Variants in ARID4B observed in about 807,000 individuals in gnomAD.
ARID4B encodes the protein AT-rich interactive domain-containing protein 4B.
Under a neutral mutation model 147.5 loss-of-function variants are expected in ARID4B, and 26 were observed. The ratio of observed to expected loss-of-function variants is 0.18; its 90% confidence interval spans 0.13 to 0.24. The LOEUF (loss-of-function observed/expected upper bound fraction) is 0.24. Ranked by LOEUF, ARID4B falls within the 10% of genes least tolerant of loss-of-function variation. The pLI is 1.00. For missense variants in ARID4B, 1,179 were observed against 1,511.5 expected, an observed-to-expected ratio of 0.78 and a Z score of 3.65; for synonymous variants, 512 against 507.9, an observed-to-expected ratio of 1.01 and a Z score of -0.11.
chr1:235,323,685 G>A (rs1489136523), intron 2 of ARID4B, among the ~76,000 whole-genome samples: 1 of 151,704 alleles, frequency 6.6e-6, no homozygotes, highest in African/African-American at 2.4e-5. Context: ...TCAGGAGGCT[G>A]AGGCAGGAGA....
chr1:235,326,995 T>C, intron 1 of ARID4B, 27 bp from the exon 2 acceptor site: 6 of 1,486,624 alleles, frequency 4.0e-6, no homozygotes, highest in Non-Finnish European at 5.6e-6. Flanking sequence ...AGACACCCAG[T>C]CAACACCACA....
intron 16 of ARID4B, among the ~76,000 whole-genome samples, chr1:235,219,078 G>A (rs1461492257): frequency 6.6e-6 from 1 of 151,794 alleles, no homozygotes; most frequent in East Asian, 1.9e-4. Flanking sequence ...TGGCCAGGCT[G>A]GTCTTGAAAT....
At chr1:235,261,131 G>A (rs368527194) in intron 2 of ARID4B, among the ~76,000 whole-genome samples, 1 of 152,134 alleles carries the variant, frequency 6.6e-6, no homozygotes, top group South Asian at 2.1e-4. Flanking sequence ...AAATTCTGGG[G>A]TGGGGGGGAA....
intron 19 of ARID4B, among the ~76,000 whole-genome samples, chr1:235,183,498 A>G (rs1664464252): frequency 1.3e-5 from 2 of 152,044 alleles, no homozygotes; most frequent in Non-Finnish European, 2.9e-5. Context: ...GTGAGCCACC[A>G]CGCCTGGCCC....
At chr1:235,274,632 T>C (rs1671201443) in intron 2 of ARID4B, among the ~76,000 whole-genome samples, 1 of 152,184 alleles carries the variant, frequency 6.6e-6, no homozygotes, top group African/African-American at 2.4e-5. Context: ...TTTTTTATTC[T>C]ACACAGAGAA....
intron 2 of ARID4B, among the ~76,000 whole-genome samples, chr1:235,296,848 G>A (rs1463469861): frequency 4.9e-4 from 5 of 10,190 alleles, no homozygotes; most frequent in Non-Finnish European, 1.1e-3. Context: ...GGAGGAAGGA[G>A]GGAGGGAAGG....
At chr1:235,174,422 G>T (rs1442509356) in intron 22 of ARID4B, among the ~76,000 whole-genome samples, 1 of 152,078 alleles carries the variant, frequency 6.6e-6, no homozygotes, top group Admixed American at 6.6e-5. Context: ...TTCAAACCGG[G>T]ATCCAAATAA....
At chr1:235,181,132 C>T (rs952847518) in intron 20 of ARID4B, 3 of 1,024,498 alleles carry the variant, frequency 2.9e-6, no homozygotes, top group Non-Finnish European at 3.5e-6. Context: ...AGTGCCTGGA[C>T]AGTTGGTTGC....
chr1:235,309,842 G>T (rs369350371), intron 2 of ARID4B, among the ~76,000 whole-genome samples: 23 of 152,128 alleles, frequency 1.5e-4, no homozygotes, highest in Non-Finnish European at 3.1e-4. Context: ...AAAATTCTTC[G>T]GCCTTGGGAT....
At chr1:235,282,944 C>T (rs1671754808) in intron 2 of ARID4B, among the ~76,000 whole-genome samples, 1 of 152,134 alleles carries the variant, frequency 6.6e-6, no homozygotes. Context: ...CCACACCTGG[C>T]TAATTTTTTG....
At chr1:235,236,852 A>ATATATGTG (rs1558233609) in intron 8 of ARID4B, among the ~76,000 whole-genome samples, 2 of 38,070 alleles carry the variant, frequency 5.3e-5, no homozygotes, top group Admixed American at 7.9e-4. Context: ...ATATATATAT[A>ATATATGTG]TATATATATA....
At chr1:235,188,805 C>T (rs376922219) in intron 19 of ARID4B, among the ~76,000 whole-genome samples, 6 of 152,104 alleles carry the variant, frequency 3.9e-5, no homozygotes, top group Admixed American at 2.0e-4. Context: ...CCAACCAGAT[C>T]ACCCGATAGT....
chr1:235,198,431 T>G (rs1665649184), intron 17 of ARID4B, among the ~76,000 whole-genome samples: 1 of 152,218 alleles, frequency 6.6e-6, no homozygotes, highest in Non-Finnish European at 1.5e-5. Flanking sequence ...GTAAGGCCAC[T>G]GTGATAAAGG....
chr1:235,257,464 C>T (rs1022361392), intron 3 of ARID4B, among the ~76,000 whole-genome samples: 1 of 151,560 alleles, frequency 6.6e-6, no homozygotes, highest in African/African-American at 2.4e-5. Context: ...AGATGTTCCA[C>T]ATGTCATTTT....
intron 11 of ARID4B, among the ~76,000 whole-genome samples, chr1:235,226,776 G>A (rs1424752938): frequency 6.6e-6 from 1 of 151,840 alleles, no homozygotes; most frequent in African/African-American, 2.4e-5. Flanking sequence ...TGCCTGCCTT[G>A]GCCTCCCAAA....
At chr1:235,223,369 G>GTATATATATATATATATACACGTA (rs201240296) in intron 12 of ARID4B, 109 bp from the exon 13 acceptor site, 8 of 166,114 alleles carry the variant, frequency 4.8e-5, no homozygotes, top group African/African-American at 1.9e-4. Flanking sequence ...ATATATACAC[G>GTATATATATATATATATACACGTA]TATATATATA....
At chr1:235,218,456 G>C (rs1350793648) in intron 16 of ARID4B, among the ~76,000 whole-genome samples, 1 of 152,060 alleles carries the variant, frequency 6.6e-6, no homozygotes, top group Non-Finnish European at 1.5e-5. Flanking sequence ...AGATTTTTTG[G>C]TAAAAAGCTG....
chr1:235,229,533 C>A, intron 10 of ARID4B, 148 bp from the exon 11 acceptor site: 2 of 622,660 alleles, frequency 3.2e-6, no homozygotes. Flanking sequence ...GTGTTAAGTG[C>A]TTTTAAATGT....
At chr1:235,285,124 G>T (rs1320611776) in intron 2 of ARID4B, among the ~76,000 whole-genome samples, 1 of 152,076 alleles carries the variant, frequency 6.6e-6, no homozygotes, top group Non-Finnish European at 1.5e-5. Flanking sequence ...GTTTTGTCAT[G>T]TTGCCTAGGC....
Sources: allele counts gnomAD v4.1 joint callset (sites outside exome capture counted in the v4.1 genomes callset), GRCh38; gene constraint gnomAD v4.1.1; transcripts MANE v1.5; gene names NCBI Gene and HGNC (gene_info 2026-07-23, HGNC 2026-07-21).